KCNU1: variants seen among roughly 807,000 people sequenced by gnomAD.
The protein encoded by KCNU1 is potassium channel subfamily U member 1.
A neutral mutation model predicts 126.8 loss-of-function variants in KCNU1; 93 were observed. The ratio of observed to expected loss-of-function variants is 0.73; its 90% CI spans 0.62 to 0.87. The LOEUF is 0.87. KCNU1 is among the 40% of genes least tolerant of loss of function. KCNU1 has a pLI of 0.00. For missense variants in KCNU1, 1,330 were observed against 1,367.1 expected, an observed-to-expected ratio of 0.97 and a Z score of 0.43; for synonymous variants, 523 against 494.2, an observed-to-expected ratio of 1.06 and a Z score of -0.77.
chr8:36,892,913 T>G (rs550931741), intron 19 of KCNU1, among the ~76,000 whole-genome samples: 2 of 152,208 alleles, frequency 1.3e-5, no homozygotes, highest in South Asian at 2.1e-4. Flanking sequence ...TTCAGTTTCC[T>G]ACAGTGAATG....
At chr8:36,837,740 T>C (rs1025011605) in intron 14 of KCNU1, among the ~76,000 whole-genome samples, 1 of 152,210 alleles carries the variant, frequency 6.6e-6, no homozygotes, top group African/African-American at 2.4e-5. Flanking sequence ...CTTCCAAATA[T>C]CATTTCCATG....
Position 36,911,100 on chromosome 8 carries a change from C to A in KCNU1, c.2502C>A (p.Asp834Glu), listed in dbSNP as rs778238215. The A allele has an allele frequency of 6.8e-6, 11 of 1,613,104 alleles. No homozygotes were observed. The East Asian group carries it at 2.5e-4, about 36-fold the overall frequency. Residue 834 changes from aspartate (D) to glutamate (E), a missense_variant, in exon 22 of 27, where the codon GAC (aspartate) becomes GAA (glutamate). Asp to Glu is a conservative substitution (Grantham distance 45). Around this residue, in one of 3 missense-constraint regions of KCNU1, gnomAD observed 1,054 missense variants for 1,053.9 expected, o/e 1.00. Coordinates refer to ENST00000399881, the MANE Select transcript of KCNU1 (RefSeq NM_001031836.3). ...IGSLQIDSSSDPSPSVSEETP... is the reference protein window; with the variant it reads ...IGSLQIDSSSEPSPSVSEETP... ...CCTTGCAAATTGACTCCTCCTCTGACCCGTCACCCTCAGTGTCAGGTGAGA... is the reference window on the plus strand; with the variant it reads ...CCTTGCAAATTGACTCCTCCTCTGAACCGTCACCCTCAGTGTCAGGTGAGA...
In KCNU1 at chr8:36,805,208, T is replaced by G; in HGVS notation, c.391T>G (p.Cys131Gly). ...FINSADPVGSCSSYEDKTIPI... is the reference protein window; with the variant it reads ...FINSADPVGSGSSYEDKTIPI... ...TTTCTTTTCCAGCCCTGTTGGAAGC[T>G]GTTCATCATATGAAGACAAAACCAT... The change falls in exon 4 of 27, where the codon TGT (cysteine) becomes GGT (glycine). Residue 131 changes from cysteine to glycine, a missense_variant. Cys to Gly is a radical substitution (Grantham distance 159). Coordinates refer to ENST00000399881, the MANE Select transcript of KCNU1 (RefSeq NM_001031836.3). 1 of 1,609,748 alleles carries G rather than the reference T, an allele frequency of 6.2e-7. No individual in the cohort carries two copies. Among genetic ancestry groups the G allele is most frequent in the Admixed American group, 1.7e-5 (1 of 59,772 alleles).
At chr8:36,840,812 C>T (rs1804922137) in intron 15 of KCNU1, 120 bp from the exon 16 acceptor site, 2 of 757,966 alleles carry the variant, frequency 2.6e-6, no homozygotes, top group Non-Finnish European at 4.7e-6. Context: ...GATCATTCCA[C>T]ATTGGGAGTT....
rs1043180079 is a variant in KCNU1 at position 36,887,390 on chromosome 8, G to C, written c.2010-18318G>C. ...ATTTGCATTTATCTGATGATTAGTT[G>C]AGCATTTTTCTGAAAACGTTGAGCA... On this transcript the variant is annotated intron_variant, in intron 19 of 26. Transcript: ENST00000399881. Among the ~76,000 whole-genome samples the C allele has an allele frequency of 2.0e-5, 3 of 150,646 alleles. No homozygotes were observed. The South Asian group carries it at 6.3e-4, about 32-fold the overall frequency.
At chr8:36,840,415 C>T (rs1804904537) in intron 14 of KCNU1, 48 bp from the exon 15 acceptor site, 1 of 868,040 alleles carries the variant, frequency 1.2e-6, no homozygotes, top group South Asian at 1.4e-5. Context: ...TTCTAACATT[C>T]TACATTCCTT....
chr8:36,802,057 C>T lies in KCNU1; in HGVS notation c.316-1970C>T, dbSNP rs1028939416. On this transcript the variant is annotated intron_variant, in intron 2 of 26. Coordinates refer to ENST00000399881, the MANE Select transcript of KCNU1 (RefSeq NM_001031836.3). The stretch of plus-strand genomic sequence containing the variant: ...CCGGAAGGCGGAGGTTGCAGTGAGC[C>T]GAGATTGCGCCACTGCACTGCAGCC... 2.8e-5 allele frequency among the ~76,000 whole-genome samples: 4 copies of T among 142,178 alleles called. No individual in the cohort carries two copies. In the South Asian group the frequency reaches 6.8e-4, roughly 24 times the overall value. The allele number at this position is 142,178 out of a possible 152,430, so 93.3% of individuals were successfully genotyped here.
Position 36,906,742 on chromosome 8 carries a change from A to AACTTTATTTCT in KCNU1, c.2106+943_2106+944insATTTCTACTTT, listed in dbSNP as rs1375889877. ...CCAGTGTCCTGACAGAATATATTTC[A>AACTTTATTTCT]ACTTTTGTAAAAGCATGATCCATCA... On this transcript the variant is annotated intron_variant, in intron 20 of 26. Transcript: ENST00000399881. Among the ~76,000 whole-genome samples, 12 of 152,296 alleles carry AACTTTATTTCT rather than the reference A, an allele frequency of 7.9e-5. No individual in the cohort carries two copies. The East Asian group carries it at 2.3e-3, about 29-fold the overall frequency.
At chr8:36,874,234 C>T (rs1806202629) in intron 19 of KCNU1, among the ~76,000 whole-genome samples, 1 of 152,114 alleles carries the variant, frequency 6.6e-6, no homozygotes, top group South Asian at 2.1e-4. Context: ...GAGTAGTCAC[C>T]ATTCTTTTTT....
intron 2 of KCNU1, among the ~76,000 whole-genome samples, chr8:36,796,271 T>C (rs563531662): frequency 5.9e-5 from 9 of 152,328 alleles, no homozygotes; most frequent in African/African-American, 2.2e-4. Flanking sequence ...AAAGCTTTTA[T>C]GATTTCTACT....
In KCNU1 at chr8:36,849,400, C is replaced by A. The variant is rs989377999; in HGVS notation, c.1891+3501C>A. Among the ~76,000 whole-genome samples, 5 of 151,926 alleles carry A rather than the reference C, an allele frequency of 3.3e-5. 1 individual carries two copies. Among genetic ancestry groups the A allele is most frequent in the African/African-American group, 1.2e-4 (5 of 41,336 alleles). The stretch of plus-strand genomic sequence containing the variant: ...GGTCAGGAGTTTGAGACCAGCCTGG[C>A]CAACATGGTGAAACCCCGTCTGTAC... On this transcript the variant is annotated intron_variant, in intron 18 of 26. Transcript: ENST00000399881.
rs188606776 is a variant in KCNU1 at position 36,829,435 on chromosome 8, T to G, written c.1107-4119T>G. On this transcript the variant is annotated intron_variant, in intron 10 of 26. Transcript: ENST00000399881. ...TTATGTCTCTAATTCATTTAGAATT[T>G]TTTGTAGAGTAACGATGGGGTTTAT... Among the ~76,000 whole-genome samples, 287 of 151,944 alleles carry G rather than the reference T, an allele frequency of 1.9e-3. 4 individuals are homozygous for G. Among genetic ancestry groups the G allele is most frequent in the South Asian group, 0.014 (68 of 4,830 alleles).
At chr8:36,910,761 A>G (rs553875935) in intron 21 of KCNU1, among the ~76,000 whole-genome samples, 169 bp from the exon 22 acceptor site, 23 of 152,166 alleles carry the variant, frequency 1.5e-4, no homozygotes, top group Non-Finnish European at 2.4e-4. Context: ...TTAATGTTTG[A>G]TAAGGTTAAA....
chr8:36,913,977 A>G (rs1190358002), intron 22 of KCNU1, among the ~76,000 whole-genome samples: 1 of 152,038 alleles, frequency 6.6e-6, no homozygotes, highest in Non-Finnish European at 1.5e-5. Flanking sequence ...TTCCCCAGTT[A>G]CTCTGGCATC....
At chr8:36,801,491 G>A (rs185921077) in intron 2 of KCNU1, among the ~76,000 whole-genome samples, 4 of 151,152 alleles carry the variant, frequency 2.6e-5, no homozygotes, top group East Asian at 3.9e-4. Flanking sequence ...GGTTGGGGGG[G>A]TTGTAAACGT....
chr8:36,922,364 C>T lies in KCNU1; in HGVS notation c.2597-126C>T, dbSNP rs1413510494. On this transcript the variant is annotated intron_variant, in intron 23 of 26. Coordinates refer to ENST00000399881, the MANE Select transcript of KCNU1 (RefSeq NM_001031836.3). ...AATGTACTGAAAAAGGGGTTGATCC[C>T]ACAGAGACCCCAAAGTAGACATCAG... The T allele has an allele frequency of 2.6e-5, 26 of 997,934 alleles. No individual in the cohort carries two copies. The East Asian group carries it at 3.7e-4, about 14-fold the overall frequency. The allele number at this position is 997,934 out of a possible 1,614,324, so 61.8% of individuals were successfully genotyped here. A position where few individuals can be genotyped will look rare whatever the true frequency, so the allele number is the denominator to read the frequency against.
intron 19 of KCNU1, among the ~76,000 whole-genome samples, chr8:36,878,417 G>T (rs2117387857): frequency 6.6e-6 from 1 of 152,028 alleles, no homozygotes; most frequent in Middle Eastern, 3.4e-3. Flanking sequence ...CCATACAAAG[G>T]CTCTCTTTAC....
intron 2 of KCNU1, chr8:36,795,224 C>T (rs113089160): frequency 0.01 from 1,571 of 152,438 alleles, 17 homozygotes; most frequent in South Asian, 0.036. Flanking sequence ...CTTTGGCAGA[C>T]GGGCCTGGGC....
At chr8:36,809,420 C>A (rs558521174) in intron 7 of KCNU1, among the ~76,000 whole-genome samples, 2 of 152,288 alleles carry the variant, frequency 1.3e-5, no homozygotes, top group South Asian at 4.1e-4. Flanking sequence ...CCGCAAAAGC[C>A]TTTGAGATAA....
Sources: gnomAD v4.1 joint callset for allele counts (sites outside exome capture counted in the v4.1 genomes callset) on GRCh38, gnomAD v4.1.1 for gene constraint, gnomAD v4.1.1 regional missense constraint, MANE v1.5 for transcripts, NCBI Gene and HGNC (gene_info 2026-07-23, HGNC 2026-07-21) for gene names.